The following ZBTB7C variants were observed in gnomAD, a reference collection of about 807,000 sequenced individuals.
ZBTB7C encodes the protein zinc finger and BTB domain containing 7C.
A neutral mutation model predicts 25.7 loss-of-function variants in ZBTB7C; 8 were observed. That is an observed-to-expected ratio of 0.31 (90% confidence interval 0.18 to 0.56). The LOEUF (loss-of-function observed/expected upper bound fraction) is 0.56, where lower values mean the gene tolerates loss of function less well. Among genes scored for constraint, ZBTB7C ranks in the 20% least tolerant of loss-of-function variants. The probability of loss-of-function intolerance (pLI) is 0.91; values close to 1 mark genes in which losing one functional copy is unlikely to be tolerated. For synonymous variants in ZBTB7C, 394 were observed against 369.0 expected (o/e 1.07, Z -0.78); for missense variants, 824 against 855.2 (o/e 0.96, Z 0.46).
At chr18:48,281,354 A>T in intron 2 of ZBTB7C, among the ~76,000 whole-genome samples, 1 of 152,048 alleles carries the variant, frequency 6.6e-6, no homozygotes, top group African/African-American at 2.4e-5. Context: ...AACCATAAAA[A>T]CCCTAGAAGA....
At position 48,244,231 on chromosome 18, in the gene ZBTB7C, T is replaced by C. The variant is rs1380608141; in HGVS notation, c.-78-58236A>G. ...GAGATCGAGACCACTCTGGCTAACA[T>C]GGTGAAACCCCATCTCTACTAAAAA... is the stretch of plus-strand genomic sequence containing the variant. On this transcript the variant is annotated intron_variant, in intron 2 of 4. Coordinates refer to ENST00000590800, the MANE Select transcript of ZBTB7C (RefSeq NM_001318841.2). Among the ~76,000 whole-genome samples the C allele has an allele frequency of 2.0e-5, 3 of 152,084 alleles. No homozygotes were observed. In the East Asian group the frequency reaches 5.8e-4, roughly 29 times the overall value.
At chr18:48,291,139 T>G (rs2045217949) in intron 2 of ZBTB7C, among the ~76,000 whole-genome samples, 1 of 152,176 alleles carries the variant, frequency 6.6e-6, no homozygotes, top group Non-Finnish European at 1.5e-5. Context: ...ACCACCACTA[T>G]AAGTAGAGGG....
intron 3 of ZBTB7C, among the ~76,000 whole-genome samples, chr18:48,122,992 G>T (rs1207171748): frequency 6.6e-6 from 1 of 152,172 alleles, no homozygotes; most frequent in East Asian, 1.9e-4. Flanking sequence ...GCGGATCTAT[G>T]GGGCTGGTCG....
intron 2 of ZBTB7C, among the ~76,000 whole-genome samples, chr18:48,316,738 C>T (rs915301782): frequency 3.9e-5 from 6 of 152,212 alleles, no homozygotes; most frequent in African/African-American, 1.4e-4. Context: ...CATGCTTGCA[C>T]AGCCTGCAGA....
chr18:48,096,443 T>G (rs2038636760), intron 3 of ZBTB7C, among the ~76,000 whole-genome samples: 1 of 152,230 alleles, frequency 6.6e-6, no homozygotes, highest in African/African-American at 2.4e-5. Context: ...GGCCACTGAT[T>G]GCTTCCTGTG....
chr18:48,231,667 T>C (rs138087189), intron 2 of ZBTB7C, among the ~76,000 whole-genome samples: 153 of 152,308 alleles, frequency 1.0e-3, no homozygotes, highest in African/African-American at 3.5e-3. Context: ...ATGGTGGGGC[T>C]GAAAGAGCTT....
intron 1 of ZBTB7C, among the ~76,000 whole-genome samples, chr18:48,376,371 A>G (rs562697510): frequency 6.6e-6 from 1 of 152,326 alleles, no homozygotes; most frequent in Admixed American, 6.5e-5. Context: ...CGCTGTGTAG[A>G]TGCCCTCTAA....
chr18:48,328,047 T>G (rs2046262957), intron 2 of ZBTB7C, among the ~76,000 whole-genome samples: 1 of 151,700 alleles, frequency 6.6e-6, no homozygotes, highest in Non-Finnish European at 1.5e-5. Context: ...CCGGGCGTGG[T>G]GGCGGGTGCC....
At chr18:48,274,282 G>C (rs1348271820) in intron 2 of ZBTB7C, among the ~76,000 whole-genome samples, 1 of 152,166 alleles carries the variant, frequency 6.6e-6, no homozygotes, top group Non-Finnish European at 1.5e-5. Flanking sequence ...CAGTTGTGCT[G>C]CATGGTTTAT....
chr18:48,321,167 A>G (rs1214549087), intron 2 of ZBTB7C, among the ~76,000 whole-genome samples: 3 of 152,220 alleles, frequency 2.0e-5, no homozygotes, highest in Admixed American at 6.5e-5. Flanking sequence ...TGATTCTAAC[A>G]TGCAGTCCAG....
intron 3 of ZBTB7C, among the ~76,000 whole-genome samples, chr18:48,113,539 C>T (rs887522981): frequency 6.6e-6 from 1 of 152,248 alleles, no homozygotes; most frequent in Non-Finnish European, 1.5e-5. Flanking sequence ...AGGCCACTTA[C>T]CCTCATCTGG....
At chr18:48,167,605 T>C (rs867555971) in intron 3 of ZBTB7C, among the ~76,000 whole-genome samples, 289 of 149,732 alleles carry the variant, frequency 1.9e-3, no homozygotes, top group African/African-American at 6.7e-3. Flanking sequence ...TGTGCGCGCG[T>C]GCACACGCGC....
At chr18:48,353,031 C>T (rs2046899429) in intron 1 of ZBTB7C, among the ~76,000 whole-genome samples, 1 of 152,154 alleles carries the variant, frequency 6.6e-6, no homozygotes, top group Non-Finnish European at 1.5e-5. Flanking sequence ...AGAAAATTCT[C>T]TAGAAGCCTA....
At chr18:48,291,312 T>G (rs377609771) in intron 2 of ZBTB7C, among the ~76,000 whole-genome samples, 2 of 152,166 alleles carry the variant, frequency 1.3e-5, no homozygotes, top group African/African-American at 4.8e-5. Flanking sequence ...GTTTGAGAAC[T>G]ACCTCTGGGG....
At chr18:48,278,247 A>C (rs1052434406) in intron 2 of ZBTB7C, among the ~76,000 whole-genome samples, 3 of 152,160 alleles carry the variant, frequency 2.0e-5, no homozygotes, top group African/African-American at 7.2e-5. Context: ...CACAGGAGAA[A>C]GAGGCCCCAG....
intron 3 of ZBTB7C, among the ~76,000 whole-genome samples, chr18:48,085,803 G>A (rs991040283): frequency 6.6e-6 from 1 of 152,212 alleles, no homozygotes; most frequent in African/African-American, 2.4e-5. Context: ...ATAAATGTCT[G>A]GAATCTTCAG....
At chr18:48,161,804 C>T (rs1017028668) in intron 3 of ZBTB7C, among the ~76,000 whole-genome samples, 2 of 151,858 alleles carry the variant, frequency 1.3e-5, no homozygotes, top group Non-Finnish European at 1.5e-5. Context: ...CTCTGCGCCC[C>T]CGCGGCCTCT....
chr18:48,269,882 C>A (rs1022600759), intron 2 of ZBTB7C, among the ~76,000 whole-genome samples: 1 of 152,038 alleles, frequency 6.6e-6, no homozygotes, highest in African/African-American at 2.4e-5. Flanking sequence ...TAGCTTGGTC[C>A]AGAACAGGAT....
At chr18:48,349,448 T>C (rs1419844954) in intron 1 of ZBTB7C, among the ~76,000 whole-genome samples, 2 of 152,176 alleles carry the variant, frequency 1.3e-5, no homozygotes, top group Non-Finnish European at 2.9e-5. Flanking sequence ...TAATATGTTC[T>C]GTCCTGTTGA....
Sources: allele counts gnomAD v4.1 joint callset (sites outside exome capture counted in the v4.1 genomes callset), GRCh38; gene constraint gnomAD v4.1.1; transcripts MANE v1.5; gene names NCBI Gene and HGNC (gene_info 2026-07-23, HGNC 2026-07-21).